Variants in NOTCH2 observed in about 807,000 individuals in gnomAD.
NOTCH2 encodes notch receptor 2, also known as neurogenic locus notch homolog protein 2.
A neutral mutation model predicts 235.8 loss-of-function variants in NOTCH2; 29 were observed. The observed-to-expected ratio is 0.12, with a 90% CI of 0.09 to 0.17. The LOEUF is 0.17. Ranked by LOEUF, NOTCH2 falls within the 10% of genes least tolerant of loss-of-function variation. The pLI is 1.00. For missense variants in NOTCH2, 2,285 were observed against 3,150.2 expected, an observed-to-expected ratio of 0.73 and a Z score of 6.57; for synonymous variants, 1,086 against 1,141.5, an observed-to-expected ratio of 0.95 and a Z score of 0.98.
chr1:119,988,099 A>G (rs1343735925), intron 4 of NOTCH2, among the ~76,000 whole-genome samples: 1 of 152,096 alleles, frequency 6.6e-6, no homozygotes, highest in Non-Finnish European at 1.5e-5. Context: ...CTCTCACTCA[A>G]AATACTTACT....
chr1:120,042,250 G>A (rs1654607545), intron 1 of NOTCH2, among the ~76,000 whole-genome samples: 1 of 90,940 alleles, frequency 1.1e-5, no homozygotes, highest in Non-Finnish European at 2.0e-5. Flanking sequence ...CTCCGAGAGA[G>A]GATAACCAAG....
At chr1:119,975,523 G>A (rs1373127766) in intron 5 of NOTCH2, among the ~76,000 whole-genome samples, 3 of 152,012 alleles carry the variant, frequency 2.0e-5, no homozygotes, top group African/African-American at 7.3e-5. Flanking sequence ...GTGCATGCCT[G>A]TAGTCCCAGC....
Position 119,919,638 on chromosome 1 carries a change from A to G in NOTCH2, c.5480-25T>C, listed in dbSNP as rs74771463. ...TCTGTAGGAATGGAAAATTCCATAA[A>G]GTACTCAAGAAGGAGAAGGTAGTTA... On this transcript the variant is annotated intron_variant, in intron 30 of 33. Transcript: ENST00000256646. 328 of 1,610,178 alleles carry G rather than the reference A, an allele frequency of 2.0e-4. 1 individual carries two copies. In the East Asian group the frequency reaches 5.8e-3, roughly 28 times the overall value.
At position 119,938,333 on chromosome 1, in the gene NOTCH2, TA is replaced by T. The variant is rs1284831538; in HGVS notation, c.3184-324del. On this transcript the variant is annotated intron_variant, in intron 19 of 33. Transcript: ENST00000256646. Reference sequence around the variant, plus strand: ...TTAAGTTCCTCTACTTATTTCTGGTTAAAAAAAAAATCACTAAACTTCAAAT... The same window carrying T: ...TTAAGTTCCTCTACTTATTTCTGGTTAAAAAAAAATCACTAAACTTCAAAT... 4.1e-4 allele frequency among the ~76,000 whole-genome samples: 62 copies of T among 150,244 alleles called. 1 individual carries two copies. Among genetic ancestry groups the T allele is most frequent in the East Asian group, 9.7e-4 (5 of 5,136 alleles).
At chr1:120,009,126 A>G (rs1243702332) in intron 2 of NOTCH2, among the ~76,000 whole-genome samples, 1 of 152,010 alleles carries the variant, frequency 6.6e-6, no homozygotes, top group African/African-American at 2.4e-5. Context: ...AAAGGCCATA[A>G]CACAGAGAGC....
At chr1:119,924,752 A>G (rs1287111284) in intron 25 of NOTCH2, among the ~76,000 whole-genome samples, 1 of 152,244 alleles carries the variant, frequency 6.6e-6, no homozygotes, top group Non-Finnish European at 1.5e-5. Context: ...CACCTATGAA[A>G]GAATGTTAGT....
intron 27 of NOTCH2, 85 bp downstream of exon 27, chr1:119,922,551 A>AC (rs1255456806): frequency 1.9e-6 from 3 of 1,607,762 alleles, no homozygotes; most frequent in Non-Finnish European, 2.6e-6. Flanking sequence ...AGTCCTGAAA[A>AC]AATAGAGGGC....
intron 11 of NOTCH2, among the ~76,000 whole-genome samples, chr1:119,962,012 T>C (rs587657371): frequency 1.3e-5 from 2 of 152,330 alleles, no homozygotes; most frequent in South Asian, 4.1e-4. Flanking sequence ...TTTAATGTTG[T>C]CTGACCGTTG....
In NOTCH2 at chr1:119,987,030, C is replaced by A; in HGVS notation, c.804G>T (p.Arg268Ser). Residue 268 changes from arginine to serine, a missense_variant, in exon 5 of 34, where the codon AGG becomes AGT. Transcript: ENST00000256646. ...ERNIDDCPNH[R>S]CQNGGVCVDG... ...CCACACAAACCCCTCCATTCTGACA[C>A]CTGTGGTTAGGGCAGTCATCAATAT... The A allele has an allele frequency of 6.2e-7, 1 of 1,613,786 alleles. No homozygotes were observed. The highest frequency in any genetic ancestry group is 8.5e-7 in the Non-Finnish European group (1 of 1,179,730).
chr1:120,023,809 CCTCT>C (rs1653733431), intron 2 of NOTCH2, among the ~76,000 whole-genome samples: 1 of 140,782 alleles, frequency 7.1e-6, no homozygotes, highest in Non-Finnish European at 1.5e-5. Context: ...TTACTCTGAA[CCTCT>C]CTAAGAAGCC....
At chr1:119,982,397 C>G (rs963630815) in intron 5 of NOTCH2, among the ~76,000 whole-genome samples, 1 of 152,194 alleles carries the variant, frequency 6.6e-6, no homozygotes, top group African/African-American at 2.4e-5. Context: ...AAAGCAGCCA[C>G]AGAGAGGAAT....
chr1:119,953,434 G>C (rs1553198022), intron 14 of NOTCH2, 109 bp downstream of exon 14: 7 of 1,199,278 alleles, frequency 5.8e-6, no homozygotes, highest in Non-Finnish European at 3.7e-6. Flanking sequence ...CAATATGTTT[G>C]TTACACGAAT....
At chr1:119,933,152 C>T (rs1553195373) in intron 22 of NOTCH2, among the ~76,000 whole-genome samples, 1 of 152,140 alleles carries the variant, frequency 6.6e-6, no homozygotes, top group African/African-American at 2.4e-5. Context: ...CAGAAATAAA[C>T]AGATCTATCA....
In NOTCH2 at chr1:119,950,750, G is replaced by A. The variant is rs1186441027; in HGVS notation, c.2453C>T (p.Thr818Ile). 1 of 1,612,828 alleles carries A rather than the reference G, an allele frequency of 6.2e-7. No individual in the cohort carries two copies. Among genetic ancestry groups the A allele is most frequent in the East Asian group, 2.2e-5 (1 of 44,884 alleles). ...TGTGTATGGCAGCACACAGTGGCAA[G>A]TGTAGCCACTTATGTCATCAAAGCA... Reference protein sequence around the residue: ...GTCFDDISGYTCHCVLPYTGK... With the variant: ...GTCFDDISGYICHCVLPYTGK... The change falls in exon 15 of 34, where the codon ACT becomes ATT. Residue 818 changes from threonine to isoleucine, a missense_variant. Physicochemically the swap from Thr to Ile is moderately conservative, Grantham distance 89. Coordinates refer to ENST00000256646, the MANE Select transcript of NOTCH2 (RefSeq NM_024408.4).
At chr1:119,986,840 A>G (rs1163432592) in intron 5 of NOTCH2, 120 bp downstream of exon 5, 12 of 1,224,656 alleles carry the variant, frequency 9.8e-6, no homozygotes, top group Non-Finnish European at 1.4e-5. Flanking sequence ...GATCCTGCTC[A>G]GTTCACATAC....
At chr1:119,933,507 T>C (rs1649737277) in intron 22 of NOTCH2, among the ~76,000 whole-genome samples, 1 of 152,046 alleles carries the variant, frequency 6.6e-6, no homozygotes. Context: ...TATCAAAAGA[T>C]AAAGAATCTT....
At chr1:119,983,469 A>C (rs2101176674) in intron 5 of NOTCH2, among the ~76,000 whole-genome samples, 1 of 152,314 alleles carries the variant, frequency 6.6e-6, no homozygotes, top group South Asian at 2.1e-4. Context: ...AGTCTTCAAA[A>C]TCAGTTATTT....
chr1:119,923,788 C>T lies in NOTCH2; in HGVS notation c.4708G>A (p.Gly1570Ser). 1 of 1,614,108 alleles carries T rather than the reference C, an allele frequency of 6.2e-7. No individual in the cohort carries two copies. The highest frequency in any genetic ancestry group is 8.5e-7 in the Non-Finnish European group (1 of 1,180,026). The change falls in exon 26 of 34, where the codon GGT becomes AGT. Residue 1570 changes from glycine (G) to serine (S), a missense_variant. Coordinates refer to ENST00000256646, the MANE Select transcript of NOTCH2 (RefSeq NM_024408.4). ...QDARSFLRAL[G>S]TLLHTNLRIK... ...CGCAGGTTGGTGTGGAGCAGGGTAC[C>T]CAGTGCCCGCAAGAAGCTGCGAGCA...
At position 119,948,397 on chromosome 1, in the gene NOTCH2, C is replaced by G. The variant is rs370708756; in HGVS notation, c.2752+17G>C. 9.7e-5 allele frequency: 157 copies of G among 1,613,816 alleles called. No individual in the cohort carries two copies. The African/African-American group carries it at 2.1e-3, about 21-fold the overall frequency. The stretch of plus-strand genomic sequence containing the variant: ...TTCCTCTCCTCTGGGGGCTTAAGAG[C>G]TGACTGGCATACTCACTGGCAAGGC... On this transcript the variant is annotated intron_variant, in intron 17 of 33. Coordinates refer to ENST00000256646, the MANE Select transcript of NOTCH2 (RefSeq NM_024408.4).
Sources: gnomAD v4.1 joint callset for allele counts (sites outside exome capture counted in the v4.1 genomes callset) on GRCh38, gnomAD v4.1.1 for gene constraint, MANE v1.5 for transcripts, NCBI Gene and HGNC (gene_info 2026-07-23, HGNC 2026-07-21) for gene names.